ZNF10: variants seen among roughly 807,000 people sequenced by gnomAD.
ZNF10 encodes the protein zinc finger protein 10.
A neutral mutation model predicts 12.2 loss-of-function variants in ZNF10; 8 were observed. The ratio of observed to expected loss-of-function variants is 0.66; its 90% CI spans 0.39 to 1.18. The LOEUF is 1.18. Among genes scored for constraint, ZNF10 ranks in the 50% most tolerant of loss-of-function variants. ZNF10 has a pLI of 0.01. For missense variants in ZNF10, 603 were observed against 678.9 expected (o/e 0.89, Z 1.24); for synonymous variants, 229 against 228.2 (o/e 1.00, Z -0.03).
At chr12:133,143,614 A>G (rs917055829) in intron 1 of ZNF10, 3 of 152,244 alleles carry the variant, frequency 2.0e-5, no homozygotes, top group Admixed American at 6.5e-5. Context: ...GCGAATGGTA[A>G]CTACCTAGGT....
intron 1 of ZNF10, among the ~76,000 whole-genome samples, chr12:133,136,455 T>G (rs754317402): frequency 1.3e-5 from 2 of 152,226 alleles, no homozygotes; most frequent in Non-Finnish European, 2.9e-5. Flanking sequence ...CTACCCATCC[T>G]TGAAATTTAC....
rs932988698 is a variant in ZNF10 at position 133,158,860 on chromosome 12, C to G, written c.*1892C>G. On this transcript the variant is annotated 3_prime_UTR_variant, in exon 5 of 5. Coordinates refer to ENST00000248211, the MANE Select transcript of ZNF10 (RefSeq NM_015394.5). ...TACAATTGAGATCAAGTGAATTGGC[C>G]CCGGTCTCACATTTTCAGTGAAGTC... is the stretch of plus-strand genomic sequence containing the variant. The G allele has an allele frequency of 1.8e-4, 27 of 152,166 alleles. No individual in the cohort carries two copies. The highest frequency in any genetic ancestry group is 6.0e-4 in the African/African-American group (25 of 41,414). The allele number at this position is 152,166 out of a possible 1,614,324, so 9.4% of individuals were successfully genotyped here.
At chr12:133,149,205 C>T (rs1195523034) in intron 2 of ZNF10, among the ~76,000 whole-genome samples, 1 of 152,052 alleles carries the variant, frequency 6.6e-6, no homozygotes, top group Non-Finnish European at 1.5e-5. Context: ...AAGTGATTCT[C>T]CCACCTGTCT....
intron 2 of ZNF10, among the ~76,000 whole-genome samples, chr12:133,146,855 A>C (rs1381096225): frequency 1.3e-5 from 2 of 151,970 alleles, no homozygotes; most frequent in African/African-American, 4.8e-5. Flanking sequence ...CAAAAAAAAA[A>C]CAAAACACCA....
In ZNF10 at chr12:133,155,508, G is replaced by C. The variant is rs748356749; in HGVS notation, c.262G>C (p.Glu88Gln). Residue 88 changes from glutamate to glutamine, a missense_variant, in exon 5 of 5, where the codon GAG (glutamate) becomes CAG (glutamine). Glu to Gln is a conservative substitution (Grantham distance 29). Coordinates refer to ENST00000248211, the MANE Select transcript of ZNF10 (RefSeq NM_015394.5). The stretch of plus-strand genomic sequence containing the variant: ...ACATTTTTCATTTCTTTCAGATTCA[G>C]AGACTGCATTTGAAATCAAATCATC... The part of the protein sequence containing the change: ...EIHQETHPDS[E>Q]TAFEIKSSVS... The C allele has an allele frequency of 3.8e-6, 6 of 1,585,188 alleles. No individual in the cohort carries two copies. In the South Asian group the frequency reaches 5.9e-5, roughly 15 times the overall value.
intron 1 of ZNF10, among the ~76,000 whole-genome samples, chr12:133,138,595 T>G (rs1955926288): frequency 6.6e-6 from 1 of 152,148 alleles, no homozygotes; most frequent in Non-Finnish European, 1.5e-5. Flanking sequence ...TCCTAATCCT[T>G]CCCTGTGCAA....
rs951570611 is a variant in ZNF10 at position 133,157,601 on chromosome 12, G to A, written c.*633G>A. ...TTGAAAGTATACAGATAATTGAACAGAATTGATTTGTTAGATAAGGAGATT... is the reference window on the plus strand; with the variant it reads ...TTGAAAGTATACAGATAATTGAACAAAATTGATTTGTTAGATAAGGAGATT... On this transcript the variant is annotated 3_prime_UTR_variant, in exon 5 of 5. Transcript: ENST00000248211. 1 of 152,216 alleles carries A rather than the reference G, an allele frequency of 6.6e-6. No individual in the cohort carries two copies. Among genetic ancestry groups the A allele is most frequent in the Non-Finnish European group, 1.5e-5 (1 of 68,032 alleles). The allele number at this position is 152,216 out of a possible 1,614,324, so 9.4% of individuals were successfully genotyped here.
chr12:133,142,054 CT>C (rs1955947569), intron 1 of ZNF10, among the ~76,000 whole-genome samples: 2 of 152,118 alleles, frequency 1.3e-5, no homozygotes, highest in Admixed American at 1.3e-4. Context: ...AAAAAAATAA[CT>C]GTCTACCTAT....
At chr12:133,149,841 A>G (rs7294506) in intron 2 of ZNF10, among the ~76,000 whole-genome samples, 50,498 of 151,846 alleles carry the variant, frequency 0.33, 8,759 homozygotes, top group African/African-American at 0.38. Context: ...AATATATTTT[A>G]GTATTTCACT....
At chr12:133,144,619 A>G in intron 2 of ZNF10, 94 bp downstream of exon 2, 1 of 1,283,586 alleles carries the variant, frequency 7.8e-7, no homozygotes, top group Non-Finnish European at 1.1e-6. Context: ...CTTCTTCTCC[A>G]GCAGACTAGA....
At chr12:133,149,812 C>G (rs776699017) in intron 2 of ZNF10, among the ~76,000 whole-genome samples, 2 of 151,816 alleles carry the variant, frequency 1.3e-5, no homozygotes, top group Non-Finnish European at 2.9e-5. Flanking sequence ...TAATTTACTG[C>G]CTTTATTTGG....
chr12:133,158,864 GTCTCACAT>G lies in ZNF10; in HGVS notation c.*1898_*1905del, dbSNP rs1461281338. 1 of 152,240 alleles carries G rather than the reference GTCTCACAT, an allele frequency of 6.6e-6. No homozygotes were observed. The highest frequency in any genetic ancestry group is 2.4e-5 in the African/African-American group (1 of 41,450). 9.4% of individuals were successfully genotyped at this position (152,240 alleles called of 1,614,324 possible). A position where few individuals can be genotyped will look rare whatever the true frequency, so the allele number is the denominator to read the frequency against. On this transcript the variant is annotated 3_prime_UTR_variant, in exon 5 of 5. Coordinates refer to ENST00000248211, the MANE Select transcript of ZNF10 (RefSeq NM_015394.5). ...ATTGAGATCAAGTGAATTGGCCCCG[GTCTCACAT>G]TTTCAGTGAAGTCAGACTCAGAACT...
intron 4 of ZNF10, among the ~76,000 whole-genome samples, chr12:133,152,932 A>T (rs1056743507): frequency 1.3e-5 from 2 of 152,142 alleles, no homozygotes; most frequent in Non-Finnish European, 2.9e-5. Context: ...TTGAAATATT[A>T]TCATAAGCTC....
In ZNF10 at chr12:133,155,076, C is replaced by CA. The variant is rs11340550; in HGVS notation, c.257-413dup. Among the ~76,000 whole-genome samples, 596 of 114,888 alleles carry CA rather than the reference C, an allele frequency of 5.2e-3. 2 individuals carry two copies. The highest frequency in any genetic ancestry group is 0.015 in the Middle Eastern group (3 of 198). 75.4% of individuals were successfully genotyped at this position (114,888 alleles called of 152,430 possible). ...CTGGACAACAAGAGCGAAACTGTCT[C>CA]AAAAAAAAAAAAAAGAGAGAGAATA... On this transcript the variant is annotated intron_variant, in intron 4 of 4. Transcript: ENST00000248211.
At chr12:133,149,576 T>G (rs1382596013) in intron 2 of ZNF10, among the ~76,000 whole-genome samples, 1 of 151,680 alleles carries the variant, frequency 6.6e-6, no homozygotes, top group Non-Finnish European at 1.5e-5. Context: ...AGGCTGGTCT[T>G]GAACTCCTGA....
At chr12:133,153,667 C>T (rs1956021654) in intron 4 of ZNF10, among the ~76,000 whole-genome samples, 1 of 152,108 alleles carries the variant, frequency 6.6e-6, no homozygotes, top group Non-Finnish European at 1.5e-5. Flanking sequence ...ATAAGGAAGT[C>T]ATTTAGGGAC....
chr12:133,151,053 T>A lies in ZNF10; in HGVS notation c.59T>A (p.Phe20Tyr), dbSNP rs1956003803. 2 of 1,613,028 alleles carry A rather than the reference T, an allele frequency of 1.2e-6. No individual in the cohort carries two copies. The highest frequency in any genetic ancestry group is 1.7e-6 in the Non-Finnish European group (2 of 1,179,212). Residue 20 changes from phenylalanine (F) to tyrosine (Y), a missense_variant, in exon 3 of 5, where the codon TTT becomes TAT. Physicochemically the swap from Phe to Tyr is conservative, Grantham distance 22. Around this residue, in one of 3 missense-constraint regions of ZNF10, gnomAD observed 393 missense variants for 399.7 expected, o/e 0.98. Coordinates refer to ENST00000248211, the MANE Select transcript of ZNF10 (RefSeq NM_015394.5). Reference protein sequence around the residue: ...SRTLVTFKDVFVDFTREEWKL... With the variant: ...SRTLVTFKDVYVDFTREEWKL... Reference sequence around the variant, plus strand: ...ACACTGGTGACCTTCAAGGATGTATTTGTGGACTTCACCAGGGAGGAGTGG... The same window carrying A: ...ACACTGGTGACCTTCAAGGATGTATATGTGGACTTCACCAGGGAGGAGTGG...
intron 1 of ZNF10, 78 bp from the exon 2 acceptor site, chr12:133,144,356 A>C: frequency 1.3e-6 from 1 of 745,616 alleles, no homozygotes; most frequent in Non-Finnish European, 2.2e-6. Context: ...CCCAGCTGGT[A>C]TGAAGAAGTT....
At chr12:133,146,070 A>G (rs1029726586) in intron 2 of ZNF10, among the ~76,000 whole-genome samples, 1 of 152,176 alleles carries the variant, frequency 6.6e-6, no homozygotes, top group Non-Finnish European at 1.5e-5. Context: ...CTGAGCAGCA[A>G]TGAGTGAGTC....
Sources: allele counts gnomAD v4.1 joint callset (sites outside exome capture counted in the v4.1 genomes callset), GRCh38; gene constraint gnomAD v4.1.1; regional missense constraint gnomAD v4.1.1; transcripts MANE v1.5; gene names NCBI Gene and HGNC (gene_info 2026-07-23, HGNC 2026-07-21).